The following RPS6KB1 variants were observed in gnomAD, a reference collection of about 807,000 sequenced individuals.
The protein encoded by RPS6KB1 is ribosomal protein S6 kinase B1.
A neutral mutation model predicts 70.2 loss-of-function variants in RPS6KB1; 12 were observed. The ratio of observed to expected loss-of-function variants is 0.17; its 90% CI spans 0.11 to 0.28. The LOEUF (loss-of-function observed/expected upper bound fraction) is 0.28, where lower values mean the gene tolerates loss of function less well. RPS6KB1 is among the 10% of genes least tolerant of loss of function. RPS6KB1 has a pLI of 1.00. For synonymous variants in RPS6KB1, 175 were observed against 211.2 expected (o/e 0.83, Z 1.49); for missense variants, 270 against 646.6 (o/e 0.42, Z 6.32).
At chr17:59,938,918 G>C (rs2044416811) in intron 12 of RPS6KB1, among the ~76,000 whole-genome samples, 1 of 152,096 alleles carries the variant, frequency 6.6e-6, no homozygotes, top group Non-Finnish European at 1.5e-5. Context: ...GCGTTAATAG[G>C]CCTAAAATGT....
At chr17:59,945,697 T>C (rs556556272) in intron 14 of RPS6KB1, among the ~76,000 whole-genome samples, 179 bp downstream of exon 14, 14 of 152,344 alleles carry the variant, frequency 9.2e-5, no homozygotes, top group Non-Finnish European at 1.5e-4. Flanking sequence ...TATGATGTTA[T>C]ATGGTTTACC....
intron 1 of RPS6KB1, among the ~76,000 whole-genome samples, chr17:59,905,570 T>C (rs2042216847): frequency 2.0e-5 from 3 of 151,096 alleles, no homozygotes; most frequent in Admixed American, 1.3e-4. Context: ...AATGACACGC[T>C]CTCAGCTCAC....
rs146927684 is a variant in RPS6KB1, at chr17:59,945,514, G to C, written c.1336G>C (p.Val446Leu). ...ATTTATTGGCAGCCCACGAACACCT[G>C]TCAGGTATTTCACACTCTTATTTTC... is the stretch of plus-strand genomic sequence containing the variant. ...RRFIGSPRTP[V>L]SPVKFSPGDF... The change falls in exon 14 of 15, where the codon GTC becomes CTC. Residue 446 changes from valine (V) to leucine (L), a missense_variant. Val to Leu is a conservative substitution (Grantham distance 32). This residue lies in a region of RPS6KB1 where 133 missense variants were observed against 314.7 expected (regional missense o/e 0.42). Coordinates refer to ENST00000225577, the MANE Select transcript of RPS6KB1 (RefSeq NM_003161.4). The C allele has an allele frequency of 1.6e-5, 25 of 1,569,986 alleles. No homozygotes were observed. Among genetic ancestry groups the C allele is most frequent in the Non-Finnish European group, 2.2e-5 (25 of 1,140,298 alleles).
At position 59,893,950 on chromosome 17, in the gene RPS6KB1, T is replaced by TA. The variant is rs1568356555; in HGVS notation, c.141+626dup. 5.7e-5 allele frequency: 55 copies of TA among 970,898 alleles called. No individual in the cohort carries two copies. In the South Asian group the frequency reaches 1.6e-3, roughly 29 times the overall value. 60.1% of individuals were successfully genotyped at this position (970,898 alleles called of 1,614,324 possible). A position where few individuals can be genotyped will look rare whatever the true frequency, so the allele number is the denominator to read the frequency against. On this transcript the variant is annotated intron_variant, in intron 1 of 14. Coordinates refer to ENST00000225577, the MANE Select transcript of RPS6KB1 (RefSeq NM_003161.4). This position sits in a 1 kb window ranked among gnomAD's most constrained non-coding sequence, Gnocchi z 4.1. ...GTTTGTTTGTTTGCTTTTTTTTTTT[T>TA]ACCCCCTTCCGTGTGACTTTTTAAA...
intron 13 of RPS6KB1, 50 bp from the exon 14 acceptor site, chr17:59,945,356 G>A: frequency 1.0e-6 from 1 of 978,896 alleles, no homozygotes; most frequent in Non-Finnish European, 1.6e-6. Flanking sequence ...CCATTCTCTT[G>A]AGATACATGA....
chr17:59,923,741 C>G (rs1347643053), intron 4 of RPS6KB1, among the ~76,000 whole-genome samples: 2 of 151,948 alleles, frequency 1.3e-5, no homozygotes, highest in African/African-American at 2.4e-5. Context: ...AACTCCTGAC[C>G]TTGTGATCTA....
chr17:59,916,759 A>G (rs1391467494), intron 4 of RPS6KB1, among the ~76,000 whole-genome samples: 2 of 151,892 alleles, frequency 1.3e-5, no homozygotes, highest in East Asian at 3.9e-4. Context: ...CCATATCTTC[A>G]TTTTTTCCCT....
At chr17:59,933,157 A>G (rs758973194) in intron 7 of RPS6KB1, among the ~76,000 whole-genome samples, 5 of 152,012 alleles carry the variant, frequency 3.3e-5, no homozygotes, top group Non-Finnish European at 7.4e-5. Flanking sequence ...ATGTATGAAC[A>G]ACTGAGGCTC....
rs372469747 is a variant in RPS6KB1 at position 59,940,015 on chromosome 17, AATT to A, written c.1120-817_1120-815del. On this transcript the variant is annotated intron_variant, in intron 12 of 14. Coordinates refer to ENST00000225577, the MANE Select transcript of RPS6KB1 (RefSeq NM_003161.4). ...AACTTATAAACCATGCAGAATAGAAAATTATTTTTGTTCCTTTAGATTTCTAAA... is the reference window on the plus strand; with the variant it reads ...AACTTATAAACCATGCAGAATAGAAAATTTTTGTTCCTTTAGATTTCTAAA... Among the ~76,000 whole-genome samples the A allele has an allele frequency of 1.7e-4, 26 of 152,320 alleles. No individual in the cohort carries two copies. The East Asian group carries it at 2.5e-3, about 15-fold the overall frequency.
At chr17:59,911,983 A>C (rs2042671030) in intron 2 of RPS6KB1, among the ~76,000 whole-genome samples, 1 of 152,182 alleles carries the variant, frequency 6.6e-6, no homozygotes, top group African/African-American at 2.4e-5. Context: ...GTAGTTTTGG[A>C]AAGATCCCTG....
chr17:59,915,072 T>A (rs1044736255), intron 4 of RPS6KB1, among the ~76,000 whole-genome samples: 3 of 151,134 alleles, frequency 2.0e-5, no homozygotes, highest in African/African-American at 4.9e-5. Context: ...CACTGCAACC[T>A]CCACCTCCCG....
At chr17:59,935,693 T>G (rs1412903894) in intron 10 of RPS6KB1, among the ~76,000 whole-genome samples, 1 of 152,136 alleles carries the variant, frequency 6.6e-6, no homozygotes, top group African/African-American at 2.4e-5. Context: ...CAGTCTGGTC[T>G]GGAACTCCTG....
intron 6 of RPS6KB1, 49 bp from the exon 7 acceptor site, chr17:59,931,573 T>C: frequency 6.8e-7 from 1 of 1,468,724 alleles, no homozygotes; most frequent in Non-Finnish European, 9.5e-7. Context: ...TAAACTGCTT[T>C]GGATAGATTA....
chr17:59,940,586 G>A (rs1357942374), intron 12 of RPS6KB1, among the ~76,000 whole-genome samples: 2 of 151,898 alleles, frequency 1.3e-5, no homozygotes, highest in African/African-American at 4.8e-5. Flanking sequence ...ATGCCCAGTC[G>A]ATATATTCAC....
At chr17:59,909,206 G>C (rs1203599005) in intron 1 of RPS6KB1, among the ~76,000 whole-genome samples, 1 of 134,080 alleles carries the variant, frequency 7.5e-6, no homozygotes, top group Non-Finnish European at 1.6e-5. Context: ...GGGACCACAG[G>C]CATGAGCCAC....
chr17:59,925,202 C>A (rs2043533090), intron 4 of RPS6KB1, among the ~76,000 whole-genome samples: 1 of 152,064 alleles, frequency 6.6e-6, no homozygotes, highest in Admixed American at 6.5e-5. Context: ...TATCCTATGT[C>A]TGAGCATTTA....
intron 1 of RPS6KB1, among the ~76,000 whole-genome samples, chr17:59,903,904 T>C (rs1232422770): frequency 2.0e-5 from 3 of 152,058 alleles, no homozygotes; most frequent in African/African-American, 7.2e-5. Context: ...CATCTTTTTC[T>C]TTATATATTT....
At chr17:59,898,971 G>A (rs1262302642) in intron 1 of RPS6KB1, among the ~76,000 whole-genome samples, 2 of 151,820 alleles carry the variant, frequency 1.3e-5, no homozygotes, top group African/African-American at 4.8e-5. Flanking sequence ...GGGAGGCCAA[G>A]GTGGGCAGAT....
intron 7 of RPS6KB1, 33 bp downstream of exon 7, chr17:59,931,755 A>G: frequency 6.9e-7 from 1 of 1,457,302 alleles, no homozygotes. Context: ...TCTATAGTAA[A>G]TAATCATCTT....
Sources: allele counts gnomAD v4.1 joint callset (sites outside exome capture counted in the v4.1 genomes callset), GRCh38; gene constraint gnomAD v4.1.1; regional missense constraint gnomAD v4.1.1; non-coding constraint Gnocchi (gnomAD v3.1); transcripts MANE v1.5; gene names NCBI Gene and HGNC (gene_info 2026-07-23, HGNC 2026-07-21).